The following SLC44A1 variants were observed in gnomAD, a reference collection of about 807,000 sequenced individuals.
The protein encoded by SLC44A1 is choline transporter-like protein 1.
A neutral mutation model predicts 79.3 loss-of-function variants in SLC44A1; 26 were observed. That is an observed-to-expected ratio of 0.33 (90% CI 0.24 to 0.46). SLC44A1 has a LOEUF of 0.46. SLC44A1 is among the 20% of genes least tolerant of loss of function. The pLI, the probability that SLC44A1 is intolerant of heterozygous loss-of-function variation, is 1.00. For synonymous variants in SLC44A1, 263 were observed against 286.2 expected, an observed-to-expected ratio of 0.92 and a Z score of 0.82; for missense variants, 688 against 798.1, an observed-to-expected ratio of 0.86 and a Z score of 1.66.
intron 1 of SLC44A1, among the ~76,000 whole-genome samples, chr9:105,250,534 C>G (rs949901687): frequency 2.0e-5 from 3 of 152,086 alleles, no homozygotes; most frequent in Non-Finnish European, 2.9e-5. Context: ...GTAATTTTGC[C>G]TCAGATTTTT....
Position 105,391,495 on chromosome 9 carries a change from G to A in SLC44A1, c.*2439G>A, listed in dbSNP as rs1005342826. 1.0e-5 allele frequency: 10 copies of A among 985,392 alleles called. No homozygotes were observed. Among genetic ancestry groups the A allele is most frequent in the South Asian group, 4.7e-5 (1 of 21,282 alleles). 61.0% of individuals were successfully genotyped at this position (985,392 alleles called of 1,614,324 possible). A position where few individuals can be genotyped will look rare whatever the true frequency, so the allele number is the denominator to read the frequency against. ...TTTTCCTTAAGTAAATTCATGTGCC[G>A]TGTAGAAATATGCAGATATGCATTA... On this transcript the variant is annotated 3_prime_UTR_variant, in exon 16 of 16. Coordinates refer to ENST00000374720, the MANE Select transcript of SLC44A1 (RefSeq NM_080546.5).
intron 1 of SLC44A1, among the ~76,000 whole-genome samples, chr9:105,249,317 G>A (rs1223703692): frequency 1.3e-5 from 2 of 152,164 alleles, no homozygotes; most frequent in East Asian, 3.9e-4. Flanking sequence ...TTTGAAGAGT[G>A]TAGTGGGAAT....
intron 1 of SLC44A1, among the ~76,000 whole-genome samples, chr9:105,246,860 A>C (rs1030631783): frequency 2.6e-5 from 4 of 152,204 alleles, no homozygotes; most frequent in Non-Finnish European, 4.4e-5. Flanking sequence ...GCTCCACGTC[A>C]TACTTTTCAG....
In SLC44A1 at chr9:105,363,752, A is replaced by G. The variant is rs1229312963; in HGVS notation, c.1087+745A>G. Reference sequence around the variant, plus strand: ...AGTGCTGGGATTACAGGCGTGAGCCAGCGTGCCCAGCCCATATTCATGATT... The same window carrying G: ...AGTGCTGGGATTACAGGCGTGAGCCGGCGTGCCCAGCCCATATTCATGATT... On this transcript the variant is annotated intron_variant, in intron 9 of 15. Coordinates refer to ENST00000374720, the MANE Select transcript of SLC44A1 (RefSeq NM_080546.5). Among the ~76,000 whole-genome samples the G allele has an allele frequency of 5.9e-5, 9 of 152,382 alleles. No homozygotes were observed. In the East Asian group the frequency reaches 1.3e-3, roughly 23 times the overall value.
chr9:105,281,523 A>T (rs1030957275), intron 1 of SLC44A1, among the ~76,000 whole-genome samples: 1 of 152,124 alleles, frequency 6.6e-6, no homozygotes, highest in Non-Finnish European at 1.5e-5. Context: ...GACTAAGGTG[A>T]TATCTTGTTG....
chr9:105,364,795 C>T, intron 10 of SLC44A1, 75 bp downstream of exon 10: 1 of 1,115,790 alleles, frequency 9.0e-7, no homozygotes, highest in South Asian at 1.5e-5. Context: ...GGAAGGGAAT[C>T]AGACTGGGGC....
In SLC44A1 at chr9:105,429,325, C is replaced by T. The variant is rs948833310; in HGVS notation, c.1951-8956C>T. Among the ~76,000 whole-genome samples the T allele has an allele frequency of 5.9e-5, 9 of 152,232 alleles. No individual in the cohort carries two copies. In the East Asian group the frequency reaches 7.7e-4, roughly 13 times the overall value. On this transcript the variant is annotated intron_variant, in intron 15 of 15. Transcript: ENST00000374724. ...GTTTGTTTTCGTTTTTGTTTTGAGACGAGGTCTGGCTCTGTCATCCAGGCT... is the reference window on the plus strand; with the variant it reads ...GTTTGTTTTCGTTTTTGTTTTGAGATGAGGTCTGGCTCTGTCATCCAGGCT...
intron 3 of SLC44A1, among the ~76,000 whole-genome samples, chr9:105,327,808 G>C (rs1221397590): frequency 1.3e-5 from 2 of 152,000 alleles, no homozygotes; most frequent in Non-Finnish European, 2.9e-5. Context: ...TCCATTAATG[G>C]GGTACGTTTG....
intron 1 of SLC44A1, among the ~76,000 whole-genome samples, chr9:105,280,839 A>G (rs1830333554): frequency 1.3e-5 from 2 of 152,210 alleles, no homozygotes; most frequent in South Asian, 4.1e-4. Context: ...ACTATGACTA[A>G]TTTTAAGCTA....
chr9:105,427,170 C>T (rs558743334), intron 15 of SLC44A1, among the ~76,000 whole-genome samples: 2 of 152,090 alleles, frequency 1.3e-5, no homozygotes, highest in African/African-American at 4.8e-5. Flanking sequence ...TGAGCTCAAG[C>T]GATCTACTCG....
intron 12 of SLC44A1, among the ~76,000 whole-genome samples, chr9:105,373,504 T>G (rs1828179101): frequency 6.6e-6 from 1 of 152,184 alleles, no homozygotes; most frequent in African/African-American, 2.4e-5. Context: ...ACGTGTCAGC[T>G]AGAACTCAGT....
At chr9:105,359,443 A>T (rs1489845036) in intron 7 of SLC44A1, among the ~76,000 whole-genome samples, 1 of 152,190 alleles carries the variant, frequency 6.6e-6, no homozygotes, top group Admixed American at 6.5e-5. Flanking sequence ...CCCCCAAAAG[A>T]TCATAGGCAA....
intron 15 of SLC44A1, among the ~76,000 whole-genome samples, chr9:105,425,150 TATATC>T (rs1168764172): frequency 1.3e-5 from 2 of 152,194 alleles, no homozygotes; most frequent in Non-Finnish European, 2.9e-5. Flanking sequence ...CACTTAAAGT[TATATC>T]ATGTACAACA....
At chr9:105,328,939 T>C (rs1826666241) in intron 3 of SLC44A1, among the ~76,000 whole-genome samples, 1 of 152,144 alleles carries the variant, frequency 6.6e-6, no homozygotes, top group Non-Finnish European at 1.5e-5. Context: ...CCATAGTTCT[T>C]TCCTAGTATA....
At chr9:105,279,120 C>A (rs146156172) in intron 1 of SLC44A1, among the ~76,000 whole-genome samples, 22 of 151,494 alleles carry the variant, frequency 1.5e-4, no homozygotes, top group Middle Eastern at 6.8e-3. Context: ...AATAGGTATT[C>A]CCCGGGAGGC....
At chr9:105,426,520 G>T (rs769414548) in intron 15 of SLC44A1, among the ~76,000 whole-genome samples, 2 of 152,062 alleles carry the variant, frequency 1.3e-5, no homozygotes, top group African/African-American at 4.8e-5. Flanking sequence ...AATATCAATT[G>T]CTATTTCTTG....
At chr9:105,273,096 A>G (rs1464629469) in intron 1 of SLC44A1, among the ~76,000 whole-genome samples, 1 of 151,982 alleles carries the variant, frequency 6.6e-6, no homozygotes, top group African/African-American at 2.4e-5. Flanking sequence ...GGTTCAAGCA[A>G]TTCTCCTGCC....
chr9:105,356,941 A>G (rs946762980), intron 6 of SLC44A1, among the ~76,000 whole-genome samples: 1 of 152,200 alleles, frequency 6.6e-6, no homozygotes, highest in Non-Finnish European at 1.5e-5. Flanking sequence ...TCAAGATTAA[A>G]ACTCCCTATA....
At chr9:105,349,249 CTG>C (rs972338714) in intron 5 of SLC44A1, among the ~76,000 whole-genome samples, 1 of 152,122 alleles carries the variant, frequency 6.6e-6, no homozygotes, top group African/African-American at 2.4e-5. Flanking sequence ...ATATTGCCAA[CTG>C]TGTGTAACAT....
Sources: gnomAD v4.1 joint callset for allele counts (sites outside exome capture counted in the v4.1 genomes callset) on GRCh38, gnomAD v4.1.1 for gene constraint, MANE v1.5 for transcripts, NCBI Gene and HGNC (gene_info 2026-07-23, HGNC 2026-07-21) for gene names.